Variants in COX11 observed in about 807,000 individuals in gnomAD.
COX11 encodes cytochrome c oxidase assembly protein COX11, mitochondrial.
In COX11, 18 loss-of-function variants were observed where a neutral mutation model predicts 29.4. The observed-to-expected ratio is 0.61, with a 90% CI of 0.42 to 0.91. The LOEUF is 0.91. Ranked by LOEUF, COX11 falls within the 40% of genes least tolerant of loss-of-function variation. The pLI, the probability that COX11 is intolerant of heterozygous loss-of-function variation, is 0.00. For synonymous variants in COX11, 131 were observed against 124.0 expected (o/e 1.06, Z -0.38); for missense variants, 312 against 346.0 (o/e 0.90, Z 0.78).
rs1440412916 is a variant in COX11 at position 54,961,181 on chromosome 17, TG to T, written c.*1551del. On this transcript the variant is annotated 3_prime_UTR_variant, in exon 4 of 4. Coordinates refer to ENST00000299335, the MANE Select transcript of COX11 (RefSeq NM_004375.5). ...TAAAGACAAGAGAGTTATCAAGGAATGGGGAAAGAGAAGGACAGGATGAATA... is the reference window on the plus strand; with the variant it reads ...TAAAGACAAGAGAGTTATCAAGGAATGGGAAAGAGAAGGACAGGATGAATA... The T allele has an allele frequency of 6.8e-6, 8 of 1,180,732 alleles. No homozygotes were observed. The highest frequency in any genetic ancestry group is 1.3e-5 in the South Asian group (1 of 76,338). 73.1% of individuals were successfully genotyped at this position (1,180,732 alleles called of 1,614,324 possible). A position where few individuals can be genotyped will look rare whatever the true frequency, so the allele number is the denominator to read the frequency against.
rs1314856551 is a variant in COX11 at position 54,968,277 on chromosome 17, C to A, written c.366+4G>T. 6.2e-7 allele frequency: 1 copy of A among 1,609,950 alleles called. No homozygotes were observed. The highest frequency in any genetic ancestry group is 8.5e-7 in the Non-Finnish European group (1 of 1,178,488). ...GCCACCCTGCGGGCGGCGCCGGCCCCTACCTGGCAATAGAGCCGATAAAGG... is the reference window on the plus strand; with the variant it reads ...GCCACCCTGCGGGCGGCGCCGGCCCATACCTGGCAATAGAGCCGATAAAGG... On this transcript the variant is annotated splice_donor_region_variant and intron_variant, in intron 1 of 3. Transcript: ENST00000299335.
chr17:54,960,750 A>C lies in COX11; in HGVS notation c.*1983T>G. ...TCTGAGTCTGACACTTTGAAATATG[A>C]GTTCCCCTGAATCATTCAAATTGTG... On this transcript the variant is annotated 3_prime_UTR_variant, in exon 4 of 4. Coordinates refer to ENST00000299335, the MANE Select transcript of COX11 (RefSeq NM_004375.5). 1.4e-6 allele frequency: 1 copy of C among 707,410 alleles called. No homozygotes were observed. The highest frequency in any genetic ancestry group is 1.7e-5 in the South Asian group (1 of 59,236). 43.8% of individuals were successfully genotyped at this position (707,410 alleles called of 1,614,324 possible).
Position 54,961,189 on chromosome 17 carries a change from GAGA to G in COX11, c.*1541_*1543del. The G allele has an allele frequency of 8.0e-7, 1 of 1,256,432 alleles. No homozygotes were observed. Among genetic ancestry groups the G allele is most frequent in the Non-Finnish European group, 1.1e-6 (1 of 878,270 alleles). The allele number at this position is 1,256,432 out of a possible 1,614,324, so 77.8% of individuals were successfully genotyped here. ...AGAGAGTTATCAAGGAATGGGGAAA[GAGA>G]AGGACAGGATGAATACTGGCCATTT... On this transcript the variant is annotated 3_prime_UTR_variant, in exon 4 of 4. Transcript: ENST00000299335.
chr17:54,955,754 T>G (rs565048547), downstream of COX11, among the ~76,000 whole-genome samples: 1 of 152,342 alleles, frequency 6.6e-6, no homozygotes, highest in Non-Finnish European at 1.5e-5. Context: ...ACCTAGGTCC[T>G]AATCCTGACA....
At chr17:54,958,564 C>T (rs2077014508), downstream of COX11, 1 of 152,292 alleles carries the variant, frequency 6.6e-6, no homozygotes, top group East Asian at 1.9e-4. Context: ...AACCCTGTCT[C>T]TACTAAAAAT....
chr17:54,954,585 T>C (rs369111635), exon 1 of COX11: 1 of 152,120 alleles, frequency 6.6e-6, no homozygotes, highest in Non-Finnish European at 1.5e-5. Context: ...GAGGGTACCA[T>C]TTCCAAGAAG....
At chr17:54,965,033 G>C (rs550008607) in intron 1 of COX11, among the ~76,000 whole-genome samples, 181 bp from the exon 2 acceptor site, 20 of 152,288 alleles carry the variant, frequency 1.3e-4, no homozygotes, top group African/African-American at 4.8e-4. Context: ...TCATGAGCCT[G>C]TATTTGTTAA....
chr17:54,955,638 T>G (rs908139970), downstream of COX11, among the ~76,000 whole-genome samples: 1 of 151,992 alleles, frequency 6.6e-6, no homozygotes, highest in Non-Finnish European at 1.5e-5. Flanking sequence ...ACAAGCATCC[T>G]TGTCTTTTTG....
chr17:54,958,618 C>T (rs2077016345), downstream of COX11, among the ~76,000 whole-genome samples: 2 of 151,726 alleles, frequency 1.3e-5, no homozygotes, highest in Non-Finnish European at 2.9e-5. Flanking sequence ...GTAATTCCAA[C>T]TATTCGGGAG....
intron 2 of COX11, 119 bp downstream of exon 2, chr17:54,964,578 G>A: frequency 1.0e-6 from 1 of 966,812 alleles, no homozygotes; most frequent in Non-Finnish European, 1.6e-6. Context: ...TGGAACAATG[G>A]AAAATGCCAT....
Position 54,968,541 on chromosome 17 carries a change from G to A in COX11, c.106C>T (p.Leu36Phe). The change falls in exon 1 of 4, where the codon CTT becomes TTT. Residue 36 changes from leucine to phenylalanine, a missense_variant. Physicochemically the swap from Leu to Phe is conservative, Grantham distance 22. This residue lies in a region of COX11 where 130 missense variants were observed against 106.0 expected (regional missense o/e 1.23). Transcript: ENST00000299335. ...TRAAERVEPF[L>F]RPEWSGTGGA... Reference sequence around the variant, plus strand: ...CCTGTCCCACTCCACTCTGGCCTAAGAAACGGCTCTACCCTCTCTGCAGCC... The same window carrying A: ...CCTGTCCCACTCCACTCTGGCCTAAAAAACGGCTCTACCCTCTCTGCAGCC... 6.2e-7 allele frequency: 1 copy of A among 1,613,060 alleles called. No homozygotes were observed. The highest frequency in any genetic ancestry group is 8.5e-7 in the Non-Finnish European group (1 of 1,179,962).
At chr17:54,964,159 T>G (rs12150038) in intron 2 of COX11, among the ~76,000 whole-genome samples, 31,719 of 152,122 alleles carry the variant, frequency 0.21, 3,874 homozygotes, top group Non-Finnish European at 0.27. Flanking sequence ...AAAATCTTTC[T>G]TACAGTTGGT....
rs2144131424 is a variant in COX11 at position 54,962,565 on chromosome 17, A to G, written c.*168T>C. 7.5e-7 allele frequency: 1 copy of G among 1,334,240 alleles called. No individual in the cohort carries two copies. Among genetic ancestry groups the G allele is most frequent in the East Asian group, 3.0e-5 (1 of 33,270 alleles). 82.7% of individuals were successfully genotyped at this position (1,334,240 alleles called of 1,614,324 possible). On this transcript the variant is annotated 3_prime_UTR_variant, in exon 4 of 4. Transcript: ENST00000299335. ...GCTAGGCATATGAGTTTCTTATGAT[A>G]AAAGCTGAACTTGTTCTCTCAAGTT...
At chr17:54,968,742 C>T (rs979923254), upstream of COX11, 7 of 1,414,832 alleles carry the variant, frequency 4.9e-6, no homozygotes, top group African/African-American at 7.2e-5. Flanking sequence ...GAGCCTGCCG[C>T]TGCCTTGGCT....
chr17:54,956,766 T>C (rs936546784), downstream of COX11: 1 of 152,146 alleles, frequency 6.6e-6, no homozygotes, highest in Non-Finnish European at 1.5e-5. Flanking sequence ...CTTTGAGCAA[T>C]AGTTTTATTA....
chr17:54,954,700 C>T (rs1422694296), exon 1 of COX11: 2 of 152,230 alleles, frequency 1.3e-5, no homozygotes, highest in Non-Finnish European at 2.9e-5. Flanking sequence ...TACTTGTTCC[C>T]TTCCCTATAG....
chr17:54,952,088 C>T (rs2049262484), exon 1 of COX11: 1 of 152,098 alleles, frequency 6.6e-6, no homozygotes, highest in African/African-American at 2.4e-5. Context: ...GTTGCAAAGG[C>T]ACCTACAGTT....
chr17:54,963,472 C>T, intron 2 of COX11, 41 bp from the exon 3 acceptor site: 1 of 1,561,150 alleles, frequency 6.4e-7, no homozygotes, highest in Non-Finnish European at 8.6e-7. Context: ...CTTTGAATCT[C>T]ACAAAGTTCC....
At chr17:54,967,327 T>G (rs1246281412) in intron 1 of COX11, among the ~76,000 whole-genome samples, 7 of 152,156 alleles carry the variant, frequency 4.6e-5, no homozygotes, top group African/African-American at 1.7e-4. Flanking sequence ...GCATGATTTT[T>G]AAACCGAAAT....
Sources: allele counts gnomAD v4.1 joint callset (sites outside exome capture counted in the v4.1 genomes callset), GRCh38; gene constraint gnomAD v4.1.1; regional missense constraint gnomAD v4.1.1; transcripts MANE v1.5; gene names NCBI Gene and HGNC (gene_info 2026-07-23, HGNC 2026-07-21).